The following GSTM4 variants were observed in gnomAD, a reference collection of about 807,000 sequenced individuals.
The protein encoded by GSTM4 is glutathione S-transferase mu 4.
A neutral mutation model predicts 30.1 loss-of-function variants in GSTM4; 27 were observed. The observed-to-expected ratio is 0.90, with a 90% CI of 0.66 to 1.24. The LOEUF (loss-of-function observed/expected upper bound fraction) is 1.24. GSTM4 is among the 50% of genes most tolerant of loss of function. The pLI, the probability that GSTM4 is intolerant of heterozygous loss-of-function variation, is 0.00. For missense variants in GSTM4, 238 were observed against 272.1 expected, an observed-to-expected ratio of 0.87 and a Z score of 0.88; for synonymous variants, 94 against 96.2, an observed-to-expected ratio of 0.98 and a Z score of 0.13.
At chr1:109,656,452 GA>G in intron 1 of GSTM4, 27 bp downstream of exon 1, 1 of 1,613,726 alleles carries the variant, frequency 6.2e-7, no homozygotes, top group Non-Finnish European at 8.5e-7. Context: ...TGCACTGTGG[GA>G]CCGGGCGCGT....
intron 1 of GSTM4, 124 bp from the exon 2 acceptor site, chr1:109,656,588 G>GTGTA: frequency 1.4e-6 from 1 of 723,168 alleles, no homozygotes; most frequent in Admixed American, 2.0e-5. Context: ...GTGTGTGTGT[G>GTGTA]TGCGTGCGCC....
In GSTM4 at chr1:109,661,483, C is replaced by G; in HGVS notation, c.*229C>G. On this transcript the variant is annotated 3_prime_UTR_variant, in exon 8 of 8. Transcript: ENST00000369836. Reference sequence around the variant, plus strand: ...ACCCACTTTCCTTCATGAACATCCCCCTCCCAACACTACCCTTCCCTGCAC... The same window carrying G: ...ACCCACTTTCCTTCATGAACATCCCGCTCCCAACACTACCCTTCCCTGCAC... The G allele has an allele frequency of 7.2e-7, 1 of 1,396,572 alleles. No individual in the cohort carries two copies. Among genetic ancestry groups the G allele is most frequent in the Non-Finnish European group, 9.3e-7 (1 of 1,070,636 alleles). The allele number at this position is 1,396,572 out of a possible 1,614,324, so 86.5% of individuals were successfully genotyped here. A position where few individuals can be genotyped will look rare whatever the true frequency, so the allele number is the denominator to read the frequency against.
chr1:109,656,704 T>C lies in GSTM4; in HGVS notation c.37-8T>C, dbSNP rs758597267. The C allele has an allele frequency of 6.2e-7, 1 of 1,613,536 alleles. No homozygotes were observed. The highest frequency in any genetic ancestry group is 8.5e-7 in the Non-Finnish European group (1 of 1,179,664). ...TCTCTGACACGACCTGCGGGCCATCTCTTCCAGCTGGCCCACGCCATCCGC... is the reference window on the plus strand; with the variant it reads ...TCTCTGACACGACCTGCGGGCCATCCCTTCCAGCTGGCCCACGCCATCCGC... On this transcript the variant is annotated splice_polypyrimidine_tract_variant and splice_region_variant and intron_variant, in intron 1 of 7. Transcript: ENST00000369836.
At position 109,661,414 on chromosome 1, in the gene GSTM4, T is replaced by C. The variant is rs3211208; in HGVS notation, c.*160T>C. ...CAAGACTTTATTGGGCCTCTTCACTTCCCCTAAACCCCTGTCCCATGCAGG... is the reference window on the plus strand; with the variant it reads ...CAAGACTTTATTGGGCCTCTTCACTCCCCCTAAACCCCTGTCCCATGCAGG... On this transcript the variant is annotated 3_prime_UTR_variant, in exon 8 of 8. Transcript: ENST00000369836. 2.8e-3 allele frequency: 4,238 copies of C among 1,498,898 alleles called. 21 individuals carry two copies. The highest frequency in any genetic ancestry group is 0.018 in the East Asian group (730 of 40,574). 92.8% of individuals were successfully genotyped at this position (1,498,898 alleles called of 1,614,324 possible). A position where few individuals can be genotyped will look rare whatever the true frequency, so the allele number is the denominator to read the frequency against.
In GSTM4 at chr1:109,657,885, C is replaced by T; in HGVS notation, c.360+13C>T. On this transcript the variant is annotated intron_variant, in intron 5 of 7. Coordinates refer to ENST00000369836, the MANE Select transcript of GSTM4 (RefSeq NM_000850.5). The stretch of plus-strand genomic sequence containing the variant: ...CAGCCCTGACTTTGTGAGTCCCTCC[C>T]TGGTCTGGACCAGAAGCCAGGCTTG... The T allele has an allele frequency of 7.5e-6, 12 of 1,609,236 alleles. No homozygotes were observed. Among genetic ancestry groups the T allele is most frequent in the Non-Finnish European group, 1.0e-5 (12 of 1,175,516 alleles).
Position 109,656,435 on chromosome 1 carries a change from G to T in GSTM4, c.36+10G>T. The T allele has an allele frequency of 6.2e-7, 1 of 1,613,930 alleles. No homozygotes were observed. Among genetic ancestry groups the T allele is most frequent in the Non-Finnish European group, 8.5e-7 (1 of 1,179,844 alleles). ...CTGGGACATCCGCGGGGTGAGTGAG[G>T]GTCCGCTGCACTGTGGGACCGGGCG... is the stretch of plus-strand genomic sequence containing the variant. On this transcript the variant is annotated intron_variant, in intron 1 of 7. Transcript: ENST00000369836.
At chr1:109,667,265 T>C (rs936970887), downstream of GSTM4, among the ~76,000 whole-genome samples, 3 of 151,710 alleles carry the variant, frequency 2.0e-5, no homozygotes, top group African/African-American at 7.3e-5. Context: ...GAACATTTAT[T>C]TCAGTTAATA....
chr1:109,656,849 T>C, intron 2 of GSTM4, 62 bp downstream of exon 2: 1 of 1,529,220 alleles, frequency 6.5e-7, no homozygotes, highest in Non-Finnish European at 9.1e-7. Context: ...AAGCAACCCA[T>C]GGTGGCCACC....
rs756060424 is a variant in GSTM4 at position 109,656,801 on chromosome 1, T to C, written c.112+14T>C. 5.0e-6 allele frequency: 8 copies of C among 1,611,754 alleles called. No individual in the cohort carries two copies. Among genetic ancestry groups the C allele is most frequent in the East Asian group, 2.2e-5 (1 of 44,854 alleles). Reference sequence around the variant, plus strand: ...CGATGGGGGACGGTAATGACACCCTTGTGTCCGGGCTCTGCCCACTCACGC... The same window carrying C: ...CGATGGGGGACGGTAATGACACCCTCGTGTCCGGGCTCTGCCCACTCACGC... On this transcript the variant is annotated intron_variant, in intron 2 of 7. Transcript: ENST00000369836.
chr1:109,657,910 G>C lies in GSTM4; in HGVS notation c.360+38G>C, dbSNP rs773519021. On this transcript the variant is annotated intron_variant, in intron 5 of 7. Transcript: ENST00000369836. Reference sequence around the variant, plus strand: ...CTGGTCTGGACCAGAAGCCAGGCTTGTATTCCCATCTACTCTGGTCCTATT... The same window carrying C: ...CTGGTCTGGACCAGAAGCCAGGCTTCTATTCCCATCTACTCTGGTCCTATT... The C allele has an allele frequency of 3.2e-6, 5 of 1,562,944 alleles. No individual in the cohort carries two copies. The South Asian group carries it at 3.3e-5, about 10-fold the overall frequency.
chr1:109,657,446 G>A, intron 3 of GSTM4, 144 bp from the exon 4 acceptor site: 2 of 1,441,996 alleles, frequency 1.4e-6, no homozygotes. Context: ...CAGCTCATTT[G>A]TTCATGTGAC....
chr1:109,659,237 A>G (rs759361599), intron 7 of GSTM4, 127 bp downstream of exon 7: 1 of 1,613,016 alleles, frequency 6.2e-7, no homozygotes. Context: ...CATGCCAGGA[A>G]CCTTGCCCAG....
At chr1:109,658,469 A>C in intron 5 of GSTM4, 1 of 285,396 alleles carries the variant, frequency 3.5e-6, no homozygotes, top group Non-Finnish European at 6.6e-6. Flanking sequence ...TCTTTCTCTG[A>C]GCTCCTTTAG....
chr1:109,666,378 A>T (rs1206067404), downstream of GSTM4, among the ~76,000 whole-genome samples: 2 of 151,950 alleles, frequency 1.3e-5, no homozygotes, highest in Non-Finnish European at 2.9e-5. Context: ...GGAATTACCC[A>T]CTCTGGTGCT....
chr1:109,666,783 T>C (rs955618735), downstream of GSTM4, among the ~76,000 whole-genome samples: 3 of 152,266 alleles, frequency 2.0e-5, no homozygotes, highest in South Asian at 2.1e-4. Context: ...TGGAGTGCAG[T>C]GGTGCAACCT....
At chr1:109,664,649 C>T (rs565523875), downstream of GSTM4, among the ~76,000 whole-genome samples, 18 of 152,126 alleles carry the variant, frequency 1.2e-4, no homozygotes, top group South Asian at 1.5e-3. Flanking sequence ...CTTGAGCCAT[C>T]GCGCCCAGCC....
chr1:109,659,177 C>G, intron 7 of GSTM4, 67 bp downstream of exon 7: 1 of 1,614,226 alleles, frequency 6.2e-7, no homozygotes, highest in Middle Eastern at 1.6e-4. Flanking sequence ...GATGCTTTCC[C>G]AGTCCTGGAG....
rs371403003 is a variant in GSTM4 at position 109,657,317 on chromosome 1, C to T, written c.177+38C>T. ...GAAGGGGCGGTTTTGGGGGAAAGTGCGACGTGTCTCTGACTGCATCTCCTC... is the reference window on the plus strand; with the variant it reads ...GAAGGGGCGGTTTTGGGGGAAAGTGTGACGTGTCTCTGACTGCATCTCCTC... On this transcript the variant is annotated intron_variant, in intron 3 of 7. Transcript: ENST00000369836. 48 of 1,602,762 alleles carry T rather than the reference C, an allele frequency of 3.0e-5. No homozygotes were observed. In the South Asian group the frequency reaches 3.3e-4, roughly 11 times the overall value.
At chr1:109,661,078 C>T in intron 7 of GSTM4, 87 bp from the exon 8 acceptor site, 3 of 1,557,734 alleles carry the variant, frequency 1.9e-6, no homozygotes, top group Non-Finnish European at 1.8e-6. Flanking sequence ...GTGGCCAGGG[C>T]CCTGACCTGC....
Sources: allele counts gnomAD v4.1 joint callset (sites outside exome capture counted in the v4.1 genomes callset), GRCh38; gene constraint gnomAD v4.1.1; transcripts MANE v1.5; gene names NCBI Gene and HGNC (gene_info 2026-07-23, HGNC 2026-07-21).